GRID2: variants seen among roughly 807,000 people sequenced by gnomAD.
GRID2 encodes the protein glutamate ionotropic receptor delta type subunit 2, also known as glutamate receptor ionotropic, delta-2.
A neutral mutation model predicts 114.8 loss-of-function variants in GRID2; 33 were observed. The ratio of observed to expected loss-of-function variants is 0.29; its 90% CI spans 0.22 to 0.38. GRID2 has a LOEUF of 0.38. Among genes scored for constraint, GRID2 ranks in the 10% least tolerant of loss-of-function variants. The pLI is 1.00. For missense variants in GRID2, 1,184 were observed against 1,257.7 expected, an observed-to-expected ratio of 0.94 and a Z score of 0.89; for synonymous variants, 505 against 449.9, an observed-to-expected ratio of 1.12 and a Z score of -1.55.
chr4:93,653,974 C>T (rs1722797601), intron 14 of GRID2, among the ~76,000 whole-genome samples: 1 of 152,114 alleles, frequency 6.6e-6, no homozygotes, highest in Admixed American at 6.5e-5. Context: ...CAAAGCACTC[C>T]ATTTTAAATG....
intron 8 of GRID2, among the ~76,000 whole-genome samples, chr4:93,283,855 A>G (rs975240053): frequency 2.0e-4 from 30 of 152,108 alleles, no homozygotes; most frequent in African/African-American, 6.8e-4. Flanking sequence ...CAGTGGCCTT[A>G]GAGAATTCAT....
intron 2 of GRID2, among the ~76,000 whole-genome samples, chr4:92,663,203 C>T (rs188479389): frequency 2.8e-4 from 43 of 150,940 alleles, no homozygotes; most frequent in African/African-American, 8.7e-4. Flanking sequence ...TATGAAATGA[C>T]AAGAGTAATT....
At chr4:93,800,520 T>C (rs1009092484) in intron 1 of GRID2, among the ~76,000 whole-genome samples, 1 of 152,172 alleles carries the variant, frequency 6.6e-6, no homozygotes, top group Admixed American at 6.5e-5. Context: ...TGTATTTGTA[T>C]TGTATTAAAG....
intron 1 of GRID2, among the ~76,000 whole-genome samples, chr4:92,579,882 T>C (rs1728091164): frequency 6.7e-6 from 1 of 149,096 alleles, no homozygotes; most frequent in African/African-American, 2.4e-5. Flanking sequence ...GTGACTATGA[T>C]ACAGATCTTA....
intron 2 of GRID2, among the ~76,000 whole-genome samples, chr4:93,022,015 C>T (rs2149247041): frequency 6.6e-6 from 1 of 151,258 alleles, no homozygotes; most frequent in South Asian, 2.1e-4. Flanking sequence ...AACCAGAATA[C>T]AAAATTGGCA....
chr4:92,943,980 A>G (rs954497570), intron 2 of GRID2, among the ~76,000 whole-genome samples: 5 of 152,138 alleles, frequency 3.3e-5, no homozygotes, highest in Admixed American at 1.3e-4. Context: ...CATGTGAGGT[A>G]TCAGTCTGCC....
intron 14 of GRID2, among the ~76,000 whole-genome samples, chr4:93,693,455 T>C (rs1163562723): frequency 6.6e-6 from 1 of 152,238 alleles, no homozygotes; most frequent in Non-Finnish European, 1.5e-5. Flanking sequence ...GGTAGTTTTA[T>C]AAAATTACCA....
chr4:92,525,939 A>C (rs974254411), intron 1 of GRID2, among the ~76,000 whole-genome samples: 1 of 152,100 alleles, frequency 6.6e-6, no homozygotes, highest in African/African-American at 2.4e-5. Context: ...ATGACAACAA[A>C]GGATAGAAGT....
intron 2 of GRID2, among the ~76,000 whole-genome samples, chr4:92,787,571 GA>G (rs1284528603): frequency 6.6e-6 from 1 of 151,900 alleles, no homozygotes; most frequent in Non-Finnish European, 1.5e-5. Flanking sequence ...AGAGTGATAT[GA>G]TGTGGAGGTA....
chr4:93,260,691 C>T, intron 8 of GRID2, among the ~76,000 whole-genome samples: 1 of 151,720 alleles, frequency 6.6e-6, no homozygotes, highest in Non-Finnish European at 1.5e-5. Flanking sequence ...AGTTTGTACC[C>T]AACGTTCATA....
intron 10 of GRID2, among the ~76,000 whole-genome samples, chr4:93,433,807 T>C (rs1720808323): frequency 6.6e-6 from 1 of 152,196 alleles, no homozygotes; most frequent in Non-Finnish European, 1.5e-5. Context: ...ACATGACCAT[T>C]CCAAACATTT....
chr4:93,507,062 A>G (rs1728704826), intron 12 of GRID2, among the ~76,000 whole-genome samples: 2 of 152,166 alleles, frequency 1.3e-5, no homozygotes, highest in South Asian at 4.1e-4. Flanking sequence ...ATCTTTTTTA[A>G]AATAGGAAAC....
intron 1 of GRID2, among the ~76,000 whole-genome samples, chr4:92,452,826 TATATATATATTTACC>T (rs1226460137): frequency 1.6e-5 from 2 of 127,110 alleles, no homozygotes; most frequent in Admixed American, 8.1e-5. Flanking sequence ...ATGTTTACCA[TATATATATATTTACC>T]ATATATATAT....
intron 1 of GRID2, among the ~76,000 whole-genome samples, chr4:92,326,747 G>C (rs990165290): frequency 6.6e-6 from 1 of 151,920 alleles, no homozygotes; most frequent in African/African-American, 2.4e-5. Context: ...ATTTTGCAGA[G>C]GAGATAAAGG....
intron 1 of GRID2, among the ~76,000 whole-genome samples, chr4:92,579,904 T>G (rs550755665): frequency 6.7e-6 from 1 of 148,400 alleles, no homozygotes; most frequent in African/African-American, 2.4e-5. Context: ...AAGATGAAAC[T>G]GAGTCTATTA....
intron 4 of GRID2, among the ~76,000 whole-genome samples, chr4:93,170,142 G>A (rs1738653070): frequency 6.6e-6 from 1 of 152,054 alleles, no homozygotes; most frequent in African/African-American, 2.4e-5. Flanking sequence ...GAGTGCAGTG[G>A]GCGCGGTCTT....
At chr4:93,318,308 G>A (rs905477791) in intron 8 of GRID2, among the ~76,000 whole-genome samples, 2 of 151,638 alleles carry the variant, frequency 1.3e-5, no homozygotes, top group Non-Finnish European at 2.9e-5. Flanking sequence ...ATGAATTATG[G>A]AATAATGATA....
intron 2 of GRID2, among the ~76,000 whole-genome samples, chr4:92,673,653 C>T (rs1467574973): frequency 6.6e-6 from 1 of 152,060 alleles, no homozygotes; most frequent in African/African-American, 2.4e-5. Flanking sequence ...GACAGATTTA[C>T]TTTATTTCTG....
At chr4:92,469,010 G>C (rs746981481) in intron 1 of GRID2, among the ~76,000 whole-genome samples, 7 of 152,100 alleles carry the variant, frequency 4.6e-5, no homozygotes, top group African/African-American at 7.2e-5. Context: ...AAGTAAATCA[G>C]CTCAACCTAT....
Sources: allele counts gnomAD v4.1 joint callset (sites outside exome capture counted in the v4.1 genomes callset), GRCh38; gene constraint gnomAD v4.1.1; transcripts MANE v1.5; gene names NCBI Gene and HGNC (gene_info 2026-07-23, HGNC 2026-07-21).